The following PACRG variants were observed in gnomAD, a reference collection of about 807,000 sequenced individuals.
PACRG encodes the protein parkin coregulated, also known as parkin coregulated gene protein.
Under a neutral mutation model 29.7 loss-of-function variants are expected in PACRG, and 29 were observed. The ratio of observed to expected loss-of-function variants is 0.98; its 90% CI spans 0.73 to 1.33. The LOEUF is 1.33. Ranked by LOEUF, PACRG falls within the 40% of genes most tolerant of loss-of-function variation. The pLI is 0.00. For missense variants in PACRG, 279 were observed against 316.2 expected (o/e 0.88, Z 0.89); for synonymous variants, 116 against 118.7 (o/e 0.98, Z 0.15).
chr6:163,091,146 T>C (rs1814074323), intron 4 of PACRG, among the ~76,000 whole-genome samples: 1 of 152,222 alleles, frequency 6.6e-6, no homozygotes, highest in African/African-American at 2.4e-5. Context: ...CATCATTCTG[T>C]ATCCCTGTAT....
chr6:163,164,673 T>G (rs1778714345), intron 4 of PACRG, among the ~76,000 whole-genome samples: 1 of 152,218 alleles, frequency 6.6e-6, no homozygotes, highest in Admixed American at 6.5e-5. Flanking sequence ...ATTCCACCTC[T>G]CAGCCACTGG....
intron 2 of PACRG, among the ~76,000 whole-genome samples, chr6:162,942,691 A>G (rs1217823006): frequency 6.6e-6 from 1 of 152,052 alleles, no homozygotes; most frequent in Non-Finnish European, 1.5e-5. Flanking sequence ...TCACCTGTTG[A>G]TTACTCTGAA....
At chr6:163,080,556 A>G (rs1042942755) in intron 3 of PACRG, among the ~76,000 whole-genome samples, 16 of 152,352 alleles carry the variant, frequency 1.1e-4, no homozygotes, top group Admixed American at 8.5e-4. Context: ...CAAATAGATC[A>G]TGCTAGGGAC....
intron 2 of PACRG, among the ~76,000 whole-genome samples, chr6:162,969,930 T>A (rs1483790706): frequency 6.6e-6 from 1 of 152,188 alleles, no homozygotes; most frequent in Non-Finnish European, 1.5e-5. Context: ...GTGAGCTCTC[T>A]GAGCACAGGA....
At chr6:163,289,773 GGGACAGA>G (rs1784522552) in intron 4 of PACRG, among the ~76,000 whole-genome samples, 1 of 152,108 alleles carries the variant, frequency 6.6e-6, no homozygotes, top group African/African-American at 2.4e-5. Context: ...TGCCAGGGCA[GGGACAGA>G]GCTTGTGCCC....
chr6:162,947,261 AAT>A (rs1799087804), intron 2 of PACRG, among the ~76,000 whole-genome samples: 3 of 142,458 alleles, frequency 2.1e-5, no homozygotes, highest in African/African-American at 7.7e-5. Context: ...TATCATATAT[AAT>A]CTATATATAA....
intron 1 of PACRG, among the ~76,000 whole-genome samples, chr6:162,751,224 T>G (rs1391002249): frequency 6.6e-6 from 1 of 152,152 alleles, no homozygotes; most frequent in Admixed American, 6.5e-5. Context: ...ATTTCTGTTT[T>G]CTGTTATAAT....
chr6:162,732,930 C>G (rs1779886363), intron 1 of PACRG, among the ~76,000 whole-genome samples: 1 of 152,232 alleles, frequency 6.6e-6, no homozygotes, highest in Non-Finnish European at 1.5e-5. Flanking sequence ...TCATCTCCCA[C>G]TGTTCTCATT....
At chr6:163,115,745 C>T (rs1815957162) in intron 4 of PACRG, among the ~76,000 whole-genome samples, 1 of 152,138 alleles carries the variant, frequency 6.6e-6, no homozygotes, top group South Asian at 2.1e-4. Context: ...CCCTTCTGTC[C>T]ACTCCACCTT....
chr6:162,958,997 A>T (rs2128141481), intron 2 of PACRG, among the ~76,000 whole-genome samples: 1 of 147,002 alleles, frequency 6.8e-6, no homozygotes, highest in Middle Eastern at 3.6e-3. Flanking sequence ...GGCTCCCTGA[A>T]TCCTAGAACT....
intron 4 of PACRG, among the ~76,000 whole-genome samples, chr6:163,211,942 G>T (rs1201192565): frequency 1.3e-5 from 2 of 152,158 alleles, no homozygotes; most frequent in African/African-American, 4.8e-5. Flanking sequence ...CTGTGGTCCA[G>T]GGAGGGGTGT....
intron 2 of PACRG, among the ~76,000 whole-genome samples, chr6:162,875,283 T>TCA (rs762538764): frequency 1.4e-5 from 2 of 145,654 alleles, no homozygotes; most frequent in Non-Finnish European, 3.0e-5. Context: ...CCACACACAT[T>TCA]CACACACACA....
intron 2 of PACRG, among the ~76,000 whole-genome samples, chr6:162,882,917 C>A (rs975089802): frequency 6.6e-6 from 1 of 152,208 alleles, no homozygotes; most frequent in African/African-American, 2.4e-5. Flanking sequence ...GAAGATGGGG[C>A]ATTAGCATTT....
chr6:163,130,478 G>T (rs1230102755), intron 4 of PACRG, among the ~76,000 whole-genome samples: 1 of 151,844 alleles, frequency 6.6e-6, no homozygotes, highest in African/African-American at 2.4e-5. Flanking sequence ...TATTTTGAAT[G>T]TGTGTCACCT....
chr6:163,256,942 C>T (rs896955685), intron 4 of PACRG, among the ~76,000 whole-genome samples: 16 of 152,144 alleles, frequency 1.1e-4, no homozygotes, highest in African/African-American at 3.9e-4. Flanking sequence ...AACCCTGGAT[C>T]CTGGCAGTTG....
intron 2 of PACRG, among the ~76,000 whole-genome samples, chr6:162,839,686 G>C (rs1416747138): frequency 6.6e-6 from 1 of 152,110 alleles, no homozygotes; most frequent in East Asian, 1.9e-4. Flanking sequence ...TGTCCTGAAT[G>C]GTATTGCCTA....
intron 4 of PACRG, among the ~76,000 whole-genome samples, chr6:163,170,194 G>A (rs1162965167): frequency 6.6e-6 from 1 of 152,126 alleles, no homozygotes; most frequent in Non-Finnish European, 1.5e-5. Flanking sequence ...GGGAACTGTT[G>A]AGGGGTGAGA....
chr6:162,977,926 C>G (rs1484091081), intron 2 of PACRG, among the ~76,000 whole-genome samples: 2 of 152,066 alleles, frequency 1.3e-5, no homozygotes, highest in Non-Finnish European at 2.9e-5. Flanking sequence ...GGCAGATCAT[C>G]TAAGGTCAGG....
chr6:163,309,966 A>G (rs1287568427), intron 4 of PACRG: 2 of 152,248 alleles, frequency 1.3e-5, no homozygotes, highest in Non-Finnish European at 2.9e-5. Context: ...TATCAAATGA[A>G]CAACACTTCA....
Sources: allele counts gnomAD v4.1 joint callset (sites outside exome capture counted in the v4.1 genomes callset), GRCh38; gene constraint gnomAD v4.1.1; transcripts MANE v1.5; gene names NCBI Gene and HGNC (gene_info 2026-07-23, HGNC 2026-07-21).